Variants in TENM2 observed in about 807,000 individuals in gnomAD.
TENM2 encodes the protein teneurin transmembrane protein 2.
A neutral mutation model predicts 245.2 loss-of-function variants in TENM2; 52 were observed. The ratio of observed to expected loss-of-function variants is 0.21; its 90% CI spans 0.17 to 0.27. TENM2 has a LOEUF of 0.27. TENM2 is among the 10% of genes least tolerant of loss of function. TENM2 has a pLI of 1.00. For synonymous variants in TENM2, 1,363 were observed against 1,438.9 expected (o/e 0.95, Z 1.19); for missense variants, 3,046 against 3,666.8 (o/e 0.83, Z 4.37).
chr5:167,545,449 T>C (rs1348968851), intron 2 of TENM2, among the ~76,000 whole-genome samples: 1 of 152,306 alleles, frequency 6.6e-6, no homozygotes, highest in East Asian at 1.9e-4. Context: ...CTGCACACAA[T>C]GAAAGTCCAA....
chr5:168,250,079 A>G (rs1766963011), intron 27 of TENM2, among the ~76,000 whole-genome samples: 2 of 150,864 alleles, frequency 1.3e-5, no homozygotes, highest in Non-Finnish European at 3.0e-5. Flanking sequence ...TGGATGGCTG[A>G]CTGGATGGCT....
intron 2 of TENM2, among the ~76,000 whole-genome samples, chr5:167,724,742 G>T (rs1256768131): frequency 6.6e-6 from 1 of 152,132 alleles, no homozygotes; most frequent in African/African-American, 2.4e-5. Flanking sequence ...AAGATCCTAG[G>T]GTATAATGTT....
upstream of TENM2, chr5:167,284,732 A>T: frequency 1.3e-6 from 1 of 784,996 alleles, no homozygotes; most frequent in Non-Finnish European, 2.1e-6. Flanking sequence ...TCTTGTAATC[A>T]CAGTCTTGGG....
intron 2 of TENM2, among the ~76,000 whole-genome samples, chr5:167,551,628 G>A (rs940675726): frequency 2.0e-5 from 3 of 151,378 alleles, no homozygotes; most frequent in Non-Finnish European, 4.4e-5. Context: ...ACACATACAC[G>A]CACACACACA....
the TENM2 span, among the ~76,000 whole-genome samples, chr5:167,140,892 G>T: frequency 7.2e-5 from 11 of 152,158 alleles, no homozygotes; most frequent in Admixed American, 6.5e-4. Flanking sequence ...GAAGTATCAT[G>T]CAATCTCTAT....
chr5:167,248,692 T>G, the TENM2 span, among the ~76,000 whole-genome samples: 1 of 152,032 alleles, frequency 6.6e-6, no homozygotes, highest in African/African-American at 2.4e-5. Flanking sequence ...TTGGCGGACT[T>G]AGCTGAACCC....
chr5:167,965,364 C>T (rs1445346634), intron 4 of TENM2: 2 of 152,136 alleles, frequency 1.3e-5, no homozygotes, highest in African/African-American at 4.8e-5. Context: ...CATCCATTTA[C>T]AGATAATAGC....
chr5:168,174,059 A>AT (rs1477620168), intron 13 of TENM2, among the ~76,000 whole-genome samples: 1 of 152,186 alleles, frequency 6.6e-6, no homozygotes, highest in Non-Finnish European at 1.5e-5. Flanking sequence ...GCAGAGCGCA[A>AT]TACAGCCATC....
At chr5:166,987,202 C>A in the TENM2 span, among the ~76,000 whole-genome samples, 2 of 152,000 alleles carry the variant, frequency 1.3e-5, no homozygotes, top group East Asian at 3.9e-4. Flanking sequence ...TTACGGCTAC[C>A]CTGAAGGTTG....
chr5:168,099,026 C>T (rs766684727), intron 9 of TENM2, among the ~76,000 whole-genome samples: 19 of 152,160 alleles, frequency 1.2e-4, no homozygotes, highest in Non-Finnish European at 2.5e-4. Flanking sequence ...TATCCTACCT[C>T]AGCCTCCCAA....
chr5:167,589,401 AT>A (rs1018240321), intron 2 of TENM2, among the ~76,000 whole-genome samples: 1 of 152,016 alleles, frequency 6.6e-6, no homozygotes, highest in African/African-American at 2.4e-5. Context: ...TAATAGTTTT[AT>A]TTTTTAAACA....
chr5:168,054,724 G>T (rs1011055348), intron 6 of TENM2, among the ~76,000 whole-genome samples: 6 of 152,168 alleles, frequency 3.9e-5, no homozygotes, highest in Non-Finnish European at 8.8e-5. Context: ...CTCAACATCA[G>T]TCGTGTTTAA....
At position 167,701,312 on chromosome 5, in the gene TENM2, A is replaced by G. The variant is rs148141458; in HGVS notation, c.503-174674A>G. On this transcript the variant is annotated intron_variant, in intron 2 of 28. Transcript: ENST00000518659. ...TTTGGACTTGGCTAAATATGTATGA[A>G]CATGAAGTTATGAATCTATGAACTG... Among the ~76,000 whole-genome samples the G allele has an allele frequency of 2.2e-3, 336 of 152,250 alleles. 1 individual carries two copies. Among genetic ancestry groups the G allele is most frequent in the Non-Finnish European group, 3.0e-3 (204 of 68,010 alleles).
rs773801298 is a variant in TENM2, at chr5:168,250,687, C to T, written c.7432+2316C>T. Among the ~76,000 whole-genome samples the T allele has an allele frequency of 1.0e-3, 155 of 152,170 alleles. 3 individuals carry two copies. The highest frequency in any genetic ancestry group is 2.8e-4 in the Non-Finnish European group (19 of 68,036). The stretch of plus-strand genomic sequence containing the variant: ...AGCCCCAGAAGCATCTGGGACCTTT[C>T]GGACCCGGAAGTTATGGCCAAGCGA... On this transcript the variant is annotated intron_variant, in intron 27 of 28. Transcript: ENST00000518659.
At chr5:167,618,976 A>G (rs1299927420) in intron 2 of TENM2, among the ~76,000 whole-genome samples, 1 of 152,062 alleles carries the variant, frequency 6.6e-6, no homozygotes, top group African/African-American at 2.4e-5. Flanking sequence ...TTTTAGAAAG[A>G]CAATTGGGGT....
chr5:168,051,648 C>T (rs1789096977), intron 6 of TENM2, among the ~76,000 whole-genome samples: 1 of 152,138 alleles, frequency 6.6e-6, no homozygotes, highest in South Asian at 2.1e-4. Context: ...TTGGAAGATG[C>T]ACTATAATAT....
At chr5:167,350,653 GATATATATATGGGATACATATATGGAT>G (rs1561883467) in intron 1 of TENM2, among the ~76,000 whole-genome samples, 29 of 131,868 alleles carry the variant, frequency 2.2e-4, no homozygotes, top group Middle Eastern at 4.3e-3. Context: ...TACGTATATG[GATATATATATGGGATACATATATGGAT>G]ATATATATAT....
At chr5:167,712,101 A>T in intron 2 of TENM2, among the ~76,000 whole-genome samples, 1 of 152,042 alleles carries the variant, frequency 6.6e-6, no homozygotes, top group East Asian at 1.9e-4. Context: ...TCAGGACAGG[A>T]TGAAGTAGGT....
chr5:167,105,240 G>A, the TENM2 span, among the ~76,000 whole-genome samples: 1 of 152,100 alleles, frequency 6.6e-6, no homozygotes, highest in East Asian at 1.9e-4. Context: ...TGTCAGTGTT[G>A]GTTGTATTCT....
Sources: gnomAD v4.1 joint callset for allele counts (sites outside exome capture counted in the v4.1 genomes callset) on GRCh38, gnomAD v4.1.1 for gene constraint, MANE v1.5 for transcripts, NCBI Gene and HGNC (gene_info 2026-07-23, HGNC 2026-07-21) for gene names.